The following ZMYM2 variants were observed in gnomAD, a reference collection of about 807,000 sequenced individuals.
ZMYM2 encodes zinc finger MYM-type containing 2, also known as zinc finger MYM-type protein 2.
ZMYM2 carries 56 observed loss-of-function variants against 162.8 expected under a neutral mutation model. The observed-to-expected ratio is 0.34, with a 90% confidence interval of 0.28 to 0.43. The LOEUF (loss-of-function observed/expected upper bound fraction) is 0.43, where lower values mean the gene tolerates loss of function less well. Ranked by LOEUF, ZMYM2 falls within the 20% of genes least tolerant of loss-of-function variation. The probability of loss-of-function intolerance (pLI) is 1.00; values close to 1 mark genes in which losing one functional copy is unlikely to be tolerated. For synonymous variants in ZMYM2, 510 were observed against 541.6 expected (o/e 0.94, Z 0.81); for missense variants, 1,275 against 1,621.8 (o/e 0.79, Z 3.67).
At chr13:19,987,337 C>T (rs1949240820) in intron 2 of ZMYM2, among the ~76,000 whole-genome samples, 1 of 151,800 alleles carries the variant, frequency 6.6e-6, no homozygotes, top group Non-Finnish European at 1.5e-5. Context: ...AATCTCGGCT[C>T]ACGGCAGAAT....
the ZMYM2 span, among the ~76,000 whole-genome samples, chr13:19,899,116 G>A: frequency 6.6e-6 from 1 of 151,520 alleles, no homozygotes; most frequent in African/African-American, 2.4e-5. Context: ...CCACACGGGG[G>A]TAATTTTTGT....
chr13:20,048,259 A>G (rs1232233407), intron 12 of ZMYM2, among the ~76,000 whole-genome samples: 1 of 149,920 alleles, frequency 6.7e-6, no homozygotes, highest in Non-Finnish European at 1.5e-5. Context: ...TTAGACTTGT[A>G]TAATTTTTCT....
At chr13:19,931,600 A>G in the ZMYM2 span, among the ~76,000 whole-genome samples, 925 of 152,158 alleles carry the variant, frequency 6.1e-3, 2 homozygotes, top group East Asian at 9.1e-3. Flanking sequence ...GGCTTCTTTC[A>G]CTTAGCAATA....
At chr13:20,033,384 G>A (rs1301276585) in intron 10 of ZMYM2, among the ~76,000 whole-genome samples, 1 of 152,040 alleles carries the variant, frequency 6.6e-6, no homozygotes, top group Non-Finnish European at 1.5e-5. Context: ...TGTCCCCCTG[G>A]GAGATTGAGA....
Position 20,061,170 on chromosome 13 carries a change from A to G in ZMYM2, c.2857A>G (p.Met953Val), listed in dbSNP as rs115802719. 2,351 of 1,613,826 alleles carry G rather than the reference A, an allele frequency of 1.5e-3. 39 individuals carry two copies. In the African/African-American group the frequency reaches 0.027, roughly 19 times the overall value. ...SDALDTELLT[M>V]TDMMSEDEGK... ...TGCTCTTGATACAGAGTTGCTTACA[A>G]TGACGGATATGATGAGTGAAGACGA... The change falls in exon 17 of 25, where the codon ATG (methionine) becomes GTG (valine). Residue 953 changes from methionine (M) to valine (V), a missense_variant. Coordinates refer to ENST00000610343, the MANE Select transcript of ZMYM2 (RefSeq NM_197968.4).
chr13:19,999,303 A>G (rs1386378989), intron 3 of ZMYM2, among the ~76,000 whole-genome samples: 1 of 152,188 alleles, frequency 6.6e-6, no homozygotes, highest in African/African-American at 2.4e-5. Flanking sequence ...TTTTGGCGCC[A>G]CACTTCCAAC....
At chr13:20,061,857 ACAGGTGTGAGCT>A in intron 17 of ZMYM2, among the ~76,000 whole-genome samples, 1 of 71,992 alleles carries the variant, frequency 1.4e-5, no homozygotes. Flanking sequence ...TGCTGGTATT[ACAGGTGTGAGCT>A]ACCACACCCA....
the ZMYM2 span, among the ~76,000 whole-genome samples, chr13:19,896,197 G>A: frequency 7.9e-5 from 12 of 151,548 alleles, no homozygotes; most frequent in Admixed American, 2.0e-4. Flanking sequence ...AGGCTGGAGT[G>A]CAGTGGCACG....
the ZMYM2 span, among the ~76,000 whole-genome samples, chr13:19,919,133 C>CTT: frequency 7.0e-6 from 1 of 142,842 alleles, no homozygotes; most frequent in Admixed American, 7.1e-5. Context: ...TTGAGACTGG[C>CTT]TTTTTTTTTT....
upstream of ZMYM2, among the ~76,000 whole-genome samples, chr13:19,957,066 T>C (rs1376322678): frequency 6.6e-6 from 1 of 152,228 alleles, no homozygotes; most frequent in Non-Finnish European, 1.5e-5. Context: ...CTGGTTCAAG[T>C]ACATTTTATT....
chr13:20,036,851 T>C lies in ZMYM2; in HGVS notation c.2234T>C (p.Val745Ala). 6.2e-7 allele frequency: 1 copy of C among 1,610,568 alleles called. No homozygotes were observed. Among genetic ancestry groups the C allele is most frequent in the Non-Finnish European group, 8.5e-7 (1 of 1,178,312 alleles). Residue 745 changes from valine (V) to alanine (A), a missense_variant, in exon 12 of 25, where the codon GTT (valine) becomes GCT (alanine). Around this residue, in one of 10 missense-constraint regions of ZMYM2, gnomAD observed 177 missense variants for 228.0 expected, o/e 0.78. Transcript: ENST00000610343. ...GGAGCAACTAAAGAACTCGATGGTG[T>C]TGTGAGAGATTTCTGCAGTGAAGAT... ...KKGATKELDGVVRDFCSEDCC... is the reference protein window; with the variant it reads ...KKGATKELDGAVRDFCSEDCC...
At chr13:20,005,021 T>A in intron 4 of ZMYM2, 53 bp from the exon 5 acceptor site, 2 of 1,461,966 alleles carry the variant, frequency 1.4e-6, no homozygotes, top group Non-Finnish European at 1.9e-6. Context: ...TTATGACTCT[T>A]ATATTTGATT....
At chr13:20,001,656 G>A (rs1306102804) in intron 3 of ZMYM2, among the ~76,000 whole-genome samples, 1 of 152,136 alleles carries the variant, frequency 6.6e-6, no homozygotes, top group Non-Finnish European at 1.5e-5. Context: ...TCTAGTGTGG[G>A]TAAACTGCTG....
At chr13:20,068,930 G>T (rs1270430740) in intron 21 of ZMYM2, among the ~76,000 whole-genome samples, 1 of 151,884 alleles carries the variant, frequency 6.6e-6, no homozygotes, top group African/African-American at 2.4e-5. Flanking sequence ...TTTCATTTCT[G>T]GTAGAAACAA....
At chr13:19,981,812 TC>T (rs1957354045) in intron 2 of ZMYM2, among the ~76,000 whole-genome samples, 1 of 149,558 alleles carries the variant, frequency 6.7e-6, no homozygotes, top group Admixed American at 6.8e-5. Flanking sequence ...ATCTTTCATA[TC>T]TTTACTCAGC....
chr13:19,888,293 G>C, the ZMYM2 span, among the ~76,000 whole-genome samples: 2 of 151,750 alleles, frequency 1.3e-5, no homozygotes, highest in Non-Finnish European at 2.9e-5. Context: ...GGCTCACGCA[G>C]TTCTCCCATG....
chr13:20,009,845 T>G (rs1411280286), intron 6 of ZMYM2, among the ~76,000 whole-genome samples: 1 of 152,210 alleles, frequency 6.6e-6, no homozygotes, highest in Non-Finnish European at 1.5e-5. Flanking sequence ...GTTGCCACCT[T>G]TGACTATTGT....
At chr13:19,929,998 C>T in the ZMYM2 span, among the ~76,000 whole-genome samples, 1 of 152,180 alleles carries the variant, frequency 6.6e-6, no homozygotes, top group Non-Finnish European at 1.5e-5. Context: ...GTAGTTCATG[C>T]CTGTAATCAT....
At chr13:19,985,398 A>C (rs1406645100) in intron 2 of ZMYM2, among the ~76,000 whole-genome samples, 1 of 152,200 alleles carries the variant, frequency 6.6e-6, no homozygotes, top group Non-Finnish European at 1.5e-5. Flanking sequence ...TACTGGGATC[A>C]CAGGTGTGAG....
Sources: gnomAD v4.1 joint callset for allele counts (sites outside exome capture counted in the v4.1 genomes callset) on GRCh38, gnomAD v4.1.1 for gene constraint, gnomAD v4.1.1 regional missense constraint, MANE v1.5 for transcripts, NCBI Gene and HGNC (gene_info 2026-07-23, HGNC 2026-07-21) for gene names.